RASSF5: variants seen among roughly 807,000 people sequenced by gnomAD.
The protein encoded by RASSF5 is ras association domain-containing protein 5.
A neutral mutation model predicts 40.5 loss-of-function variants in RASSF5; 25 were observed. The observed-to-expected ratio is 0.62, with a 90% CI of 0.45 to 0.86. The LOEUF (loss-of-function observed/expected upper bound fraction) is 0.86, where lower values mean the gene tolerates loss of function less well. RASSF5 is among the 40% of genes least tolerant of loss of function. The pLI, the probability that RASSF5 is intolerant of heterozygous loss-of-function variation, is 0.00. For missense variants in RASSF5, 521 were observed against 572.8 expected, an observed-to-expected ratio of 0.91 and a Z score of 0.92; for synonymous variants, 246 against 252.4, an observed-to-expected ratio of 0.97 and a Z score of 0.24.
chr1:206,575,294 G>C (rs1668598215), intron 2 of RASSF5, among the ~76,000 whole-genome samples: 1 of 152,222 alleles, frequency 6.6e-6, no homozygotes, highest in South Asian at 2.1e-4. Context: ...CCTGACTTAA[G>C]CCTGGAGATG....
At position 206,507,708 on chromosome 1, in the gene RASSF5, C is replaced by A. The variant is rs369172848; in HGVS notation, c.106C>A (p.Pro36Thr). Residue 36 changes from proline to threonine, a missense_variant, in exon 1 of 6, where the codon CCG becomes ACG. Around this residue, in one of 2 missense-constraint regions of RASSF5, gnomAD observed 237 missense variants for 212.0 expected, o/e 1.12. Transcript: ENST00000579436. ...QSLSGPELPP[P>T]PPDRSSRLCV... is the part of the protein sequence containing the mutation. ...CCTGAGCGGCCCCGAGCTACCGCCG[C>A]CGCCCCCCGACCGGTCCTCGCGCCT... The A allele has an allele frequency of 5.4e-6, 8 of 1,489,134 alleles. No individual in the cohort carries two copies. Among genetic ancestry groups the A allele is most frequent in the South Asian group, 1.3e-5 (1 of 78,896 alleles). The allele number at this position is 1,489,134 out of a possible 1,614,324, so 92.2% of individuals were successfully genotyped here.
chr1:206,534,661 GC>G (rs1272553721), intron 1 of RASSF5, among the ~76,000 whole-genome samples: 4 of 152,178 alleles, frequency 2.6e-5, no homozygotes, highest in African/African-American at 7.2e-5. Flanking sequence ...CTAGGTCTGT[GC>G]CACAGCCAGG....
At chr1:206,562,529 C>G (rs2336942) in intron 2 of RASSF5, among the ~76,000 whole-genome samples, 131,918 of 152,178 alleles carry the variant, frequency 0.87, 57,396 homozygotes, top group East Asian at 1. Flanking sequence ...ACTCCACACT[C>G]GTGGGATTCA....
At chr1:206,548,515 C>T (rs926953629) in intron 2 of RASSF5, among the ~76,000 whole-genome samples, 2 of 152,176 alleles carry the variant, frequency 1.3e-5, no homozygotes, top group Non-Finnish European at 2.9e-5. Flanking sequence ...TCAACCTAGA[C>T]ACCTCCCGCC....
Position 206,562,901 on chromosome 1 carries a change from G to A in RASSF5, c.580-20368G>A, listed in dbSNP as rs1553402887. Among the ~76,000 whole-genome samples the A allele has an allele frequency of 9.3e-5, 14 of 151,218 alleles. 1 individual carries two copies. In the South Asian group the frequency reaches 1.1e-3, roughly 11 times the overall value. On this transcript the variant is annotated intron_variant, in intron 2 of 5. Coordinates refer to ENST00000579436, the MANE Select transcript of RASSF5 (RefSeq NM_182663.4). ...CGTGCCACTGCACTCCAGCCTGGGC[G>A]ACAGAACGAGTCTCTGTCTCAAAAA... is the stretch of plus-strand genomic sequence containing the variant.
intron 2 of RASSF5, among the ~76,000 whole-genome samples, chr1:206,554,446 T>C (rs1349541108): frequency 1.3e-5 from 2 of 152,206 alleles, no homozygotes; most frequent in African/African-American, 2.4e-5. Context: ...ATCTAACACT[T>C]TGAGTTAGGA....
chr1:206,560,314 G>T lies in RASSF5; in HGVS notation c.579+22021G>T, dbSNP rs1668103487. On this transcript the variant is annotated intron_variant, in intron 2 of 5. Transcript: ENST00000579436. The surrounding 1 kb of genome is among the most constrained non-coding windows in gnomAD (Gnocchi z 5.1). ...ATGCCACCACCTGGGAGTTGCCACT[G>T]GTCAGTCCCAGGAGTTCCCAAGACT... Among the ~76,000 whole-genome samples the T allele has an allele frequency of 1.3e-5, 2 of 152,176 alleles. No homozygotes were observed.
Position 206,516,949 on chromosome 1 carries a change from G to A in RASSF5, c.457+8890G>A, listed in dbSNP as rs140817177. On this transcript the variant is annotated intron_variant, in intron 1 of 5. Coordinates refer to ENST00000579436, the MANE Select transcript of RASSF5 (RefSeq NM_182663.4). The stretch of plus-strand genomic sequence containing the variant: ...TTGATGGTCCCAAGTGTCATTTCAG[G>A]ACCCGGACTTGCTTATGCCCTTCTT... Among the ~76,000 whole-genome samples, 14 of 152,188 alleles carry A rather than the reference G, an allele frequency of 9.2e-5. No homozygotes were observed. The East Asian group carries it at 2.7e-3, about 29-fold the overall frequency.
chr1:206,557,376 G>A (rs1450987015), intron 2 of RASSF5: 174 of 1,343,866 alleles, frequency 1.3e-4, no homozygotes, highest in Non-Finnish European at 2.8e-5. Context: ...CCGCCCGAGC[G>A]CTCGCACCCC....
intron 1 of RASSF5, among the ~76,000 whole-genome samples, chr1:206,528,340 A>G (rs558926827): frequency 6.6e-6 from 1 of 152,318 alleles, no homozygotes; most frequent in South Asian, 2.1e-4. Context: ...TTCCAACTAT[A>G]TGATATTCTG....
At chr1:206,549,560 CTT>C (rs1667780852) in intron 2 of RASSF5, among the ~76,000 whole-genome samples, 1 of 152,200 alleles carries the variant, frequency 6.6e-6, no homozygotes, top group South Asian at 2.1e-4. Flanking sequence ...GATCCTCCCA[CTT>C]TAGGCTCCCA....
rs2102266118 is a variant in RASSF5 at position 206,588,023 on chromosome 1, A to C, written c.*1045A>C. On this transcript the variant is annotated 3_prime_UTR_variant, in exon 6 of 6. Coordinates refer to ENST00000579436, the MANE Select transcript of RASSF5 (RefSeq NM_182663.4). ...GAGTTGCCTTGATTACAGAGAGGGG[A>C]GCCTCCAATTCGGCCAACTTGGAGT... 6.5e-6 allele frequency: 1 copy of C among 152,846 alleles called. No homozygotes were observed. Among genetic ancestry groups the C allele is most frequent in the East Asian group, 1.9e-4 (1 of 5,272 alleles). The allele number at this position is 152,846 out of a possible 1,614,324, so 9.5% of individuals were successfully genotyped here.
intron 2 of RASSF5, among the ~76,000 whole-genome samples, chr1:206,546,089 A>AATT (rs1667680341): frequency 2.1e-5 from 1 of 48,248 alleles, no homozygotes; most frequent in African/African-American, 8.1e-5. Flanking sequence ...TTCTTTTTCT[A>AATT]TTTTTTTTTT....
intron 2 of RASSF5, among the ~76,000 whole-genome samples, chr1:206,570,183 C>T (rs1261765731): frequency 6.7e-6 from 1 of 148,992 alleles, no homozygotes; most frequent in Non-Finnish European, 1.5e-5. Context: ...CCTCTGCCTC[C>T]CAGGTTCAAG....
intron 1 of RASSF5, chr1:206,529,624 A>G (rs1424302530): frequency 1.8e-5 from 14 of 766,436 alleles, no homozygotes; most frequent in African/African-American, 1.7e-4. Flanking sequence ...TGGGGCGGCA[A>G]TGTCCTGGGT....
intron 1 of RASSF5, among the ~76,000 whole-genome samples, chr1:206,528,255 CAG>C (rs1476720733): frequency 1.3e-5 from 2 of 151,122 alleles, no homozygotes; most frequent in Middle Eastern, 3.4e-3. Flanking sequence ...AAAAAAAAGA[CAG>C]GGAGATAATA....
At position 206,586,965 on chromosome 1, in the gene RASSF5, G is replaced by A; in HGVS notation, c.1244G>A (p.Gly415Asp). The A allele has an allele frequency of 1.2e-6, 2 of 1,614,014 alleles. No individual in the cohort carries two copies. Among genetic ancestry groups the A allele is most frequent in the East Asian group, 2.2e-5 (1 of 44,890 alleles). ...GAGGAGGCCTTAAGAGAATCCCAGG[G>A]CAAACCTGGGTAACCGGTCCTGCTT... ...KLEEALRESQ[G>D]KPG The change falls in exon 6 of 6, where the codon GGC becomes GAC. Residue 415 changes from glycine to aspartate, a missense_variant. Around this residue, in one of 2 missense-constraint regions of RASSF5, gnomAD observed 284 missense variants for 360.8 expected, o/e 0.79. Coordinates refer to ENST00000579436, the MANE Select transcript of RASSF5 (RefSeq NM_182663.4).
chr1:206,556,980 CA>C (rs28362485), intron 2 of RASSF5, among the ~76,000 whole-genome samples: 41,367 of 152,028 alleles, frequency 0.27, 6,014 homozygotes, highest in Non-Finnish European at 0.32. Context: ...GAAGAAAGAA[CA>C]GAGGGAATGT....
At chr1:206,524,662 A>ATATATATTATATATAATATATATTT (rs1667048322) in intron 1 of RASSF5, among the ~76,000 whole-genome samples, 7 of 133,024 alleles carry the variant, frequency 5.3e-5, no homozygotes, top group South Asian at 2.2e-4. Flanking sequence ...ATTATGTATA[A>ATATATATTATATATAATATATATTT]TATATATTAT....
Sources: gnomAD v4.1 joint callset for allele counts (sites outside exome capture counted in the v4.1 genomes callset) on GRCh38, gnomAD v4.1.1 for gene constraint, gnomAD v4.1.1 regional missense constraint, Gnocchi (gnomAD v3.1) non-coding constraint, MANE v1.5 for transcripts, NCBI Gene and HGNC (gene_info 2026-07-23, HGNC 2026-07-21) for gene names.